Variants in ANKS3 observed in about 807,000 individuals in gnomAD.
The protein encoded by ANKS3 is ankyrin repeat and sterile alpha motif domain containing 3.
ANKS3 carries 62 observed loss-of-function variants against 80.7 expected under a neutral mutation model. That is an observed-to-expected ratio of 0.77 (90% CI 0.63 to 0.95). The LOEUF (loss-of-function observed/expected upper bound fraction) is 0.95, where lower values mean the gene tolerates loss of function less well. ANKS3 is among the 40% of genes least tolerant of loss of function. The probability of loss-of-function intolerance (pLI) is 0.00; values close to 1 mark genes in which losing one functional copy is unlikely to be tolerated. For synonymous variants in ANKS3, 489 were observed against 355.3 expected, an observed-to-expected ratio of 1.38 and a Z score of -4.23; for missense variants, 1,150 against 883.6, an observed-to-expected ratio of 1.30 and a Z score of -3.82.
intron 6 of ANKS3, among the ~76,000 whole-genome samples, chr16:4,716,479 G>A (rs1251115342): frequency 6.6e-6 from 1 of 152,076 alleles, no homozygotes; most frequent in African/African-American, 2.4e-5. Flanking sequence ...TGTAGTTGGT[G>A]GGGGAGGCAG....
chr16:4,697,987 G>A lies in ANKS3; in HGVS notation c.1800C>T (p.Val600=). 1 of 1,595,150 alleles carries A rather than the reference G, an allele frequency of 6.3e-7. No homozygotes were observed. The highest frequency in any genetic ancestry group is 8.5e-7 in the Non-Finnish European group (1 of 1,171,824). The change falls in exon 15 of 18, where the codon GTC becomes GTT. Residue 600 remains valine, a synonymous_variant. Transcript: ENST00000304283. The part of the protein sequence containing the change: ...PPGAATLGLA[V]PPADSKGWQA... ...GGCCACTGCTCTTACCAGCTGGGGG[G>A]ACGGCTAGGCCCAGAGTGGCTGCAC...
chr16:4,715,535 G>A (rs545969661), intron 6 of ANKS3, among the ~76,000 whole-genome samples: 1 of 152,310 alleles, frequency 6.6e-6, no homozygotes, highest in South Asian at 2.1e-4. Flanking sequence ...GCTTGACGCT[G>A]CAGCGAGCTG....
chr16:4,701,043 G>C lies in ANKS3; in HGVS notation c.1211C>G (p.Ala404Gly), dbSNP rs765789292. 7.4e-6 allele frequency: 12 copies of C among 1,614,090 alleles called. No homozygotes were observed. The highest frequency in any genetic ancestry group is 1.7e-6 in the Non-Finnish European group (2 of 1,180,018). Residue 404 changes from alanine (A) to glycine (G), a missense_variant, in exon 11 of 18, where the codon GCT becomes GGT. Transcript: ENST00000304283. ...GAGAAAGCCTTCCCTGTCAGTTGCAGCGCGGGGAGGCCACTGGCTGTCAGG... is the reference window on the plus strand; with the variant it reads ...GAGAAAGCCTTCCCTGTCAGTTGCACCGCGGGGAGGCCACTGGCTGTCAGG... ...KNPDSQWPPR[A>G]ATDREGFLAE...
chr16:4,715,459 G>C (rs1168181016), intron 6 of ANKS3, among the ~76,000 whole-genome samples: 1 of 152,142 alleles, frequency 6.6e-6, no homozygotes, highest in Non-Finnish European at 1.5e-5. Context: ...AGCAGGGTGT[G>C]GCGGCACATG....
intron 4 of ANKS3, 70 bp from the exon 5 acceptor site, chr16:4,726,850 C>T: frequency 6.3e-7 from 1 of 1,596,784 alleles, no homozygotes; most frequent in East Asian, 2.2e-5. Flanking sequence ...CTCCAGGCGG[C>T]CATGCTGCAA....
At chr16:4,731,282 A>C (rs938889839) in intron 2 of ANKS3, among the ~76,000 whole-genome samples, 6 of 152,072 alleles carry the variant, frequency 3.9e-5, no homozygotes, top group African/African-American at 1.4e-4. Flanking sequence ...ACTGTATGTA[A>C]ATTTTATTTA....
rs2079739501 is a variant in ANKS3 at position 4,698,864 on chromosome 16, A to G, written c.1487T>C (p.Leu496Pro). 1.9e-6 allele frequency: 3 copies of G among 1,603,164 alleles called. No homozygotes were observed. The highest frequency in any genetic ancestry group is 1.3e-5 in the African/African-American group (1 of 74,838). Reference protein sequence around the residue: ...HSSARPPGDALELAYADRLEA... With the variant: ...HSSARPPGDAPELAYADRLEA... The stretch of plus-strand genomic sequence containing the variant: ...CAGCCGGTCGGCGTAGGCCAGCTCC[A>G]GGGCATCCCCGGGTGGGCGGGCACT... The change falls in exon 13 of 18, where the codon CTG becomes CCG. Residue 496 changes from leucine (L) to proline (P), a missense_variant. Physicochemically the swap from Leu to Pro is moderately conservative, Grantham distance 98 (BLOSUM62 -3). Coordinates refer to ENST00000304283, the MANE Select transcript of ANKS3 (RefSeq NM_133450.4).
At chr16:4,721,617 GATTTATTGATTTATTT>G (rs1306824562) in intron 6 of ANKS3, among the ~76,000 whole-genome samples, 3 of 89,760 alleles carry the variant, frequency 3.3e-5, no homozygotes, top group Non-Finnish European at 7.8e-5. Flanking sequence ...TCTCTTTATT[GATTTATTGATTTATTT>G]ATTTATTTAT....
At chr16:4,699,306 G>A in intron 11 of ANKS3, 130 bp from the exon 12 acceptor site, 5 of 1,300,398 alleles carry the variant, frequency 3.8e-6, no homozygotes, top group African/African-American at 1.5e-5. Context: ...TGGCGCCCAG[G>A]CTGTCCCCTC....
chr16:4,732,612 G>A (rs2081685927), intron 1 of ANKS3, among the ~76,000 whole-genome samples: 1 of 149,170 alleles, frequency 6.7e-6, no homozygotes, highest in Admixed American at 6.8e-5. Flanking sequence ...AGCCTGGGAG[G>A]CGATTGCAGT....
chr16:4,724,657 T>G, intron 6 of ANKS3, 93 bp downstream of exon 6: 1 of 1,250,466 alleles, frequency 8.0e-7, no homozygotes. Context: ...GTTATTTCTG[T>G]GCAAAGGAAA....
Position 4,714,206 on chromosome 16 carries a change from G to C in ANKS3, c.574-20C>G, listed in dbSNP as rs1421052551. The C allele has an allele frequency of 3.1e-6, 5 of 1,613,172 alleles. No individual in the cohort carries two copies. In the East Asian group the frequency reaches 1.1e-4, roughly 36 times the overall value. ...GACTCCCTGTGAATGTCCGTGAAAG[G>C]GGGTTAGGGGCCTCTCCTTCAAAGC... On this transcript the variant is annotated intron_variant, in intron 6 of 17. Coordinates refer to ENST00000304283, the MANE Select transcript of ANKS3 (RefSeq NM_133450.4).
At chr16:4,724,152 C>T (rs2081241432) in intron 6 of ANKS3, among the ~76,000 whole-genome samples, 1 of 152,204 alleles carries the variant, frequency 6.6e-6, no homozygotes, top group South Asian at 2.1e-4. Context: ...ATTCCCGGAA[C>T]ACTGTTTATA....
intron 6 of ANKS3, among the ~76,000 whole-genome samples, chr16:4,715,757 T>C (rs956720457): frequency 4.6e-5 from 7 of 152,104 alleles, no homozygotes; most frequent in African/African-American, 1.7e-4. Flanking sequence ...TTTTCCAATT[T>C]TCCAATCTTC....
In ANKS3 at chr16:4,701,221, G is replaced by A. The variant is rs2079882664; in HGVS notation, c.1120-87C>T. ...CCCCACCCGCCACACAGGGGCTTGA[G>A]AGGCTTCGTGAAACCCCCCACCCGC... On this transcript the variant is annotated intron_variant, in intron 10 of 17. Coordinates refer to ENST00000304283, the MANE Select transcript of ANKS3 (RefSeq NM_133450.4). 7.0e-6 allele frequency: 11 copies of A among 1,580,208 alleles called. No individual in the cohort carries two copies. In the South Asian group the frequency reaches 1.0e-4, roughly 15 times the overall value.
Position 4,699,099 on chromosome 16 carries a change from G to A in ANKS3, c.1362C>T (p.Arg454=), listed in dbSNP as rs1433732081. The part of the protein sequence containing the change: ...QVFEEQDVDL[R]IFLTLTESDL... ...CGCTCTCAGTGAGGGTCAGAAAGAT[G>A]CGGAGGTCCACGTCCTGCTCCTCAA... is the stretch of plus-strand genomic sequence containing the variant. Residue 454 remains arginine (R), a synonymous_variant, in exon 12 of 18, where the codon CGC becomes CGT. Coordinates refer to ENST00000304283, the MANE Select transcript of ANKS3 (RefSeq NM_133450.4). The A allele has an allele frequency of 1.2e-6, 2 of 1,614,158 alleles. No homozygotes were observed. Among genetic ancestry groups the A allele is most frequent in the Admixed American group, 1.7e-5 (1 of 60,022 alleles).
chr16:4,731,681 C>T, intron 1 of ANKS3, 102 bp from the exon 2 acceptor site: 1 of 625,292 alleles, frequency 1.6e-6, no homozygotes, highest in Non-Finnish European at 2.0e-6. Flanking sequence ...GAAAGCAATT[C>T]CCCAACAGAC....
In ANKS3 at chr16:4,724,658, G is replaced by A; in HGVS notation, c.573+92C>T. ...ATAAATGAATGAAAGTTATTTCTGT[G>A]CAAAGGAAAATTCTGTAATAGCTTA... On this transcript the variant is annotated intron_variant, in intron 6 of 17. Coordinates refer to ENST00000304283, the MANE Select transcript of ANKS3 (RefSeq NM_133450.4). 3 of 1,260,750 alleles carry A rather than the reference G, an allele frequency of 2.4e-6. No individual in the cohort carries two copies. In the East Asian group the frequency reaches 7.1e-5, roughly 30 times the overall value. The allele number at this position is 1,260,750 out of a possible 1,614,324, so 78.1% of individuals were successfully genotyped here. A position where few individuals can be genotyped will look rare whatever the true frequency, so the allele number is the denominator to read the frequency against.
At chr16:4,727,530 C>G in intron 3 of ANKS3, 1 of 357,592 alleles carries the variant, frequency 2.8e-6, no homozygotes, top group East Asian at 6.9e-5. Flanking sequence ...GGAAGGGCTG[C>G]TGGAGGCCAA....
Sources: gnomAD v4.1 joint callset for allele counts (sites outside exome capture counted in the v4.1 genomes callset) on GRCh38, gnomAD v4.1.1 for gene constraint, MANE v1.5 for transcripts, NCBI Gene and HGNC (gene_info 2026-07-23, HGNC 2026-07-21) for gene names.